Variants in NRK observed in about 807,000 individuals in gnomAD.
NRK encodes nik-related protein kinase.
NRK carries 67 observed loss-of-function variants against 125.2 expected under a neutral mutation model. That is an observed-to-expected ratio of 0.54 (90% CI 0.44 to 0.66). The LOEUF (loss-of-function observed/expected upper bound fraction) is 0.66. Ranked by LOEUF, NRK falls within the 30% of genes least tolerant of loss-of-function variation. The pLI is 0.00. For missense variants in NRK, 1,224 were observed against 1,192.9 expected (o/e 1.03, Z -0.38); for synonymous variants, 458 against 429.0 (o/e 1.07, Z -0.84).
intron 16 of NRK, 55 bp downstream of exon 16, chrX:105,917,727 T>C: frequency 1.7e-6 from 1 of 585,743 alleles, no homozygotes; most frequent in Non-Finnish European, 2.6e-6. Context: ...TGTTTAACAA[T>C]TTATATTTCA....
At chrX:105,823,923 A>G (rs182152415) in intron 1 of NRK, among the ~76,000 whole-genome samples, 26 of 112,495 alleles carry the variant, frequency 2.3e-4, no homozygotes, top group Admixed American at 1.0e-3. Context: ...GAAAAAAGCT[A>G]AATATTAACC....
At chrX:105,904,168 T>A (rs1002933465) in intron 9 of NRK, among the ~76,000 whole-genome samples, 1 of 111,736 alleles carries the variant, frequency 8.9e-6, no homozygotes, top group African/African-American at 3.2e-5. Context: ...AAATTATCCT[T>A]ACAAGAATGA....
chrX:105,915,738 G>A lies in NRK; in HGVS notation c.2358G>A (p.Glu786=), dbSNP rs267606299. Reference sequence around the variant, plus strand: ...TGCATTGTGTCTTTAAGGTTCAAGAGAGATCTCCTTCTGTGCCTAACAACC... The same window carrying A: ...TGCATTGTGTCTTTAAGGTTCAAGAAAGATCTCCTTCTGTGCCTAACAACC... ...ISNPKKIEVQ[E]RSPSVPNNQD... Residue 786 remains glutamate, a synonymous_variant, in exon 15 of 29, where the codon GAG becomes GAA. Transcript: ENST00000243300. 8.8e-7 allele frequency: 1 copy of A among 1,140,231 alleles called. No individual in the cohort carries two copies. The highest frequency in any genetic ancestry group is 1.2e-6 in the Non-Finnish European group (1 of 833,439). The allele number at this position is 1,140,231 out of a possible 1,213,427, so 94.0% of individuals were successfully genotyped here. A position where few individuals can be genotyped will look rare whatever the true frequency, so the allele number is the denominator to read the frequency against.
chrX:105,915,706 G>C (rs2040356205), intron 14 of NRK, 24 bp from the exon 15 acceptor site: 1 of 919,040 alleles, frequency 1.1e-6, no homozygotes, highest in African/African-American at 1.9e-5. Flanking sequence ...GAATTCTACT[G>C]AAGTATTGCA....
intron 6 of NRK, 56 bp downstream of exon 6, chrX:105,893,998 A>G (rs777703633): frequency 1.6e-6 from 1 of 636,229 alleles, no homozygotes; most frequent in East Asian, 3.4e-5. Flanking sequence ...GGAGTAATAT[A>G]TACAATGCAC....
intron 20 of NRK, among the ~76,000 whole-genome samples, chrX:105,934,850 A>T (rs1428046848): frequency 8.9e-6 from 1 of 112,087 alleles, no homozygotes; most frequent in Non-Finnish European, 1.9e-5. Context: ...TCGCTCTGTC[A>T]CTTAGGCTGG....
chrX:105,864,587 C>A lies in NRK; in HGVS notation c.124-15612C>A, dbSNP rs749624401. ...AGTAAAACACATACACATACACACACACACACAGACACGCACACATATGTA... is the reference window on the plus strand; with the variant it reads ...AGTAAAACACATACACATACACACAAACACACAGACACGCACACATATGTA... On this transcript the variant is annotated intron_variant, in intron 2 of 28. Transcript: ENST00000243300. Among the ~76,000 whole-genome samples the A allele has an allele frequency of 1.5e-3, 169 of 111,228 alleles. 1 individual carries two copies. The highest frequency in any genetic ancestry group is 5.4e-3 in the African/African-American group (165 of 30,654).
At chrX:105,882,838 C>T (rs1209863626) in intron 4 of NRK, among the ~76,000 whole-genome samples, 1 of 111,562 alleles carries the variant, frequency 9.0e-6, no homozygotes, top group African/African-American at 3.3e-5. Context: ...TAGGAAACCG[C>T]AAAAGATAAG....
intron 16 of NRK, 94 bp from the exon 17 acceptor site, chrX:105,921,870 G>T: frequency 2.9e-6 from 1 of 339,349 alleles, no homozygotes. Flanking sequence ...AAAAAAAAAA[G>T]AAAAAAAACC....
At chrX:105,885,446 A>C (rs1277389534) in intron 4 of NRK, among the ~76,000 whole-genome samples, 7 of 112,730 alleles carry the variant, frequency 6.2e-5, no homozygotes, top group Non-Finnish European at 1.3e-4. Context: ...TTATATTTTC[A>C]TTGAAAATTT....
At position 105,935,232 on chromosome X, in the gene NRK, A is replaced by G. The variant is rs751565506; in HGVS notation, c.3562A>G (p.Asn1188Asp). The G allele has an allele frequency of 8.4e-7, 1 of 1,192,558 alleles. No individual in the cohort carries two copies. Among genetic ancestry groups the G allele is most frequent in the Non-Finnish European group, 1.1e-6 (1 of 878,276 alleles). ...SPKQPSEVNV[N>D]PLYVSPACKK... The stretch of plus-strand genomic sequence containing the variant: ...TAAGCAACCCTCTGAAGTCAATGTT[A>G]ACCCACTCTATGTCTCTCCTGCATG... Residue 1188 changes from asparagine to aspartate, a missense_variant, in exon 21 of 29, where the codon AAC (asparagine) becomes GAC (aspartate). By Grantham distance (23) the Asn-to-Asp change is conservative (BLOSUM62 1). Coordinates refer to ENST00000243300, the MANE Select transcript of NRK (RefSeq NM_198465.4).
Position 105,915,900 on chromosome X carries a change from C to T in NRK, c.2417+103C>T, listed in dbSNP as rs2040359255. The T allele has an allele frequency of 4.4e-6, 2 of 451,316 alleles. 1 individual carries two copies. Among genetic ancestry groups the T allele is most frequent in the East Asian group, 7.9e-5 (2 of 25,264 alleles). 37.2% of individuals were successfully genotyped at this position (451,316 alleles called of 1,213,427 possible). ...CACTTTGTGAAGTCAACTAAAATATCCGTGACAACATCATCACCATTGACT... is the reference window on the plus strand; with the variant it reads ...CACTTTGTGAAGTCAACTAAAATATTCGTGACAACATCATCACCATTGACT... On this transcript the variant is annotated intron_variant, in intron 15 of 28. Coordinates refer to ENST00000243300, the MANE Select transcript of NRK (RefSeq NM_198465.4).
chrX:105,953,127 G>A lies in NRK; in HGVS notation c.4607G>A (p.Arg1536His), dbSNP rs752587677. 28 of 1,193,939 alleles carry A rather than the reference G, an allele frequency of 2.3e-5. No individual in the cohort carries two copies. Among genetic ancestry groups the A allele is most frequent in the Middle Eastern group, 2.3e-4 (1 of 4,320 alleles). The change falls in exon 28 of 29, where the codon CGC (arginine) becomes CAC (histidine). Residue 1536 changes from arginine (R) to histidine (H), a missense_variant. Arg to His is a conservative substitution (Grantham distance 29, BLOSUM62 0). Coordinates refer to ENST00000243300, the MANE Select transcript of NRK (RefSeq NM_198465.4). The stretch of plus-strand genomic sequence containing the variant: ...AGGGTTCTGGAAAGTGAGCTGAAGC[G>A]CAGGTCAATTAAGAAGCTGAGATTC... ...QSRVLESELK[R>H]RSIKKLRFLC...
chrX:105,934,526 T>C (rs1449203558), intron 20 of NRK, 82 bp downstream of exon 20: 20 of 562,316 alleles, frequency 3.6e-5, no homozygotes, highest in Non-Finnish European at 8.4e-6. Context: ...CATGATCTGT[T>C]AGGAATCAAA....
chrX:105,826,308 AT>A (rs2039106417), intron 1 of NRK, among the ~76,000 whole-genome samples: 3 of 88,479 alleles, frequency 3.4e-5, no homozygotes, highest in East Asian at 6.5e-4. Context: ...TATATAATAG[AT>A]AATATATATT....
chrX:105,948,643 C>A (rs1301296087), intron 26 of NRK: 2 of 500,546 alleles, frequency 4.0e-6, no homozygotes, highest in East Asian at 3.7e-5. Flanking sequence ...ATTGCTCATG[C>A]AAGTGCCCAG....
chrX:105,839,992 A>G (rs1009908646), intron 2 of NRK, among the ~76,000 whole-genome samples: 2 of 111,882 alleles, frequency 1.8e-5, no homozygotes, highest in Non-Finnish European at 3.8e-5. Context: ...GGGGTGAAAA[A>G]AACAGCATAG....
intron 2 of NRK, among the ~76,000 whole-genome samples, chrX:105,839,367 A>G (rs2039302881): frequency 9.0e-6 from 1 of 111,357 alleles, no homozygotes; most frequent in Non-Finnish European, 1.9e-5. Flanking sequence ...ATTTCATTAT[A>G]CATTGCAAGT....
At chrX:105,902,338 T>C (rs1357398451) in intron 9 of NRK, among the ~76,000 whole-genome samples, 1 of 111,446 alleles carries the variant, frequency 9.0e-6, no homozygotes, top group Non-Finnish European at 1.9e-5. Flanking sequence ...CAGCCCTAAA[T>C]AGCCTCCCTA....
Sources: allele counts gnomAD v4.1 joint callset (sites outside exome capture counted in the v4.1 genomes callset), GRCh38; gene constraint gnomAD v4.1.1; transcripts MANE v1.5; gene names NCBI Gene and HGNC (gene_info 2026-07-23, HGNC 2026-07-21).